Variants in NCAM1 observed in about 807,000 individuals in gnomAD.
NCAM1 encodes antigen recognized by monoclonal antibody 5.1H11.
In NCAM1, 14 loss-of-function variants were observed where a neutral mutation model predicts 109.8. That is an observed-to-expected ratio of 0.13 (90% CI 0.08 to 0.20). The LOEUF is 0.20. Among genes scored for constraint, NCAM1 ranks in the 10% least tolerant of loss-of-function variants. The pLI is 1.00. For synonymous variants in NCAM1, 418 were observed against 442.9 expected (o/e 0.94, Z 0.70); for missense variants, 774 against 1,109.9 (o/e 0.70, Z 4.30).
At position 112,970,197 on chromosome 11, in the gene NCAM1, T is replaced by A. The variant is rs548376977; in HGVS notation, c.52+8533T>A. Among the ~76,000 whole-genome samples, 7 of 152,218 alleles carry A rather than the reference T, an allele frequency of 4.6e-5. No homozygotes were observed. In the East Asian group the frequency reaches 1.4e-3, roughly 29 times the overall value. ...CTGGAGATGACAGAGAAATTAAAAA[T>A]ATATATATATGTTTAAGAGGATAGT... On this transcript the variant is annotated intron_variant, in intron 1 of 19. Transcript: ENST00000316851.
At chr11:113,104,499 A>C (rs1940056682) in intron 1 of NCAM1, among the ~76,000 whole-genome samples, 1 of 152,128 alleles carries the variant, frequency 6.6e-6, no homozygotes, top group Admixed American at 6.5e-5. Flanking sequence ...CCTTAAAAAA[A>C]CACGCAGATC....
chr11:113,011,999 CCTTCCTTCCTTCCTTT>C (rs1952073920), intron 1 of NCAM1, among the ~76,000 whole-genome samples: 2 of 146,416 alleles, frequency 1.4e-5, no homozygotes, highest in Non-Finnish European at 1.5e-5. Context: ...TTCCTTCCTT[CCTTCCTTCCTTCCTTT>C]CTTTCCTCTT....
intron 1 of NCAM1, among the ~76,000 whole-genome samples, chr11:113,051,222 T>A (rs948224537): frequency 1.3e-5 from 2 of 152,240 alleles, no homozygotes; most frequent in Non-Finnish European, 2.9e-5. Context: ...TTTGATAAGT[T>A]ACAGGTTATT....
chr11:113,100,500 T>C (rs1205390192), intron 1 of NCAM1, among the ~76,000 whole-genome samples: 2 of 152,078 alleles, frequency 1.3e-5, no homozygotes, highest in African/African-American at 4.8e-5. Flanking sequence ...ACTTGAAGGA[T>C]GGTGAATGCA....
At chr11:113,214,293 G>A in intron 7 of NCAM1, 76 bp from the exon 8 acceptor site, 3 of 1,496,922 alleles carry the variant, frequency 2.0e-6, no homozygotes, top group East Asian at 2.3e-5. Flanking sequence ...ACCTTTGTTG[G>A]ATAGGTGCAT....
chr11:113,012,691 T>G (rs1952100593), intron 1 of NCAM1, among the ~76,000 whole-genome samples: 1 of 152,304 alleles, frequency 6.6e-6, no homozygotes, highest in South Asian at 2.1e-4. Context: ...CCTGGTGTTC[T>G]TCTTGTGTGC....
intron 1 of NCAM1, among the ~76,000 whole-genome samples, chr11:113,022,051 C>T (rs1952399997): frequency 6.6e-6 from 1 of 152,110 alleles, no homozygotes; most frequent in Non-Finnish European, 1.5e-5. Context: ...AACAGAAACT[C>T]CTAACAGTTG....
intron 2 of NCAM1, 120 bp downstream of exon 2, chr11:113,202,573 C>A: frequency 1.2e-6 from 1 of 853,982 alleles, no homozygotes; most frequent in Non-Finnish European, 1.8e-6. Flanking sequence ...CTTGGCATTG[C>A]TCTATTACAG....
At chr11:113,220,112 C>A (rs1357731127) in intron 8 of NCAM1, among the ~76,000 whole-genome samples, 3 of 152,120 alleles carry the variant, frequency 2.0e-5, no homozygotes, top group Non-Finnish European at 2.9e-5. Flanking sequence ...ATAAAAAGAA[C>A]AATGCAGCTA....
chr11:113,115,715 G>C (rs1940668846), intron 1 of NCAM1, among the ~76,000 whole-genome samples: 1 of 152,202 alleles, frequency 6.6e-6, no homozygotes, highest in African/African-American at 2.4e-5. Context: ...CTCTGTGGAT[G>C]CTCTGAAGGA....
intron 1 of NCAM1, among the ~76,000 whole-genome samples, chr11:112,969,784 G>A (rs1555066432): frequency 6.6e-6 from 1 of 152,126 alleles, no homozygotes. Flanking sequence ...GAGGCTTAGA[G>A]GAAAAACAAA....
At chr11:113,143,386 G>A (rs1306260081) in intron 1 of NCAM1, among the ~76,000 whole-genome samples, 1 of 152,138 alleles carries the variant, frequency 6.6e-6, no homozygotes, top group Non-Finnish European at 1.5e-5. Flanking sequence ...GATTATTCCG[G>A]TGGTTTTTTA....
intron 1 of NCAM1, among the ~76,000 whole-genome samples, chr11:112,984,947 C>G (rs1159324980): frequency 2.6e-5 from 3 of 117,410 alleles, no homozygotes; most frequent in African/African-American, 5.8e-5. Context: ...CTGCACTATC[C>G]TATTTTTTTT....
At chr11:112,981,874 G>A (rs1412647958) in intron 1 of NCAM1, among the ~76,000 whole-genome samples, 2 of 151,790 alleles carry the variant, frequency 1.3e-5, no homozygotes, top group Admixed American at 6.6e-5. Context: ...AAGGTTTTTT[G>A]CATTCAAATA....
At chr11:113,235,705 C>G (rs1555118161) in intron 14 of NCAM1, among the ~76,000 whole-genome samples, 1 of 152,230 alleles carries the variant, frequency 6.6e-6, no homozygotes, top group Non-Finnish European at 1.5e-5. Context: ...TTGGCCTTTT[C>G]TGCTCCTCTC....
chr11:113,002,972 T>G, intron 1 of NCAM1, among the ~76,000 whole-genome samples: 1 of 152,276 alleles, frequency 6.6e-6, no homozygotes, highest in East Asian at 1.9e-4. Context: ...TGATAGAATC[T>G]TATCAATTTC....
rs71060290 is a variant in NCAM1 at position 113,132,604 on chromosome 11, A to ATGTGTGTGTGTGTG, written c.53-69741_53-69728dup. On this transcript the variant is annotated intron_variant, in intron 1 of 19. Coordinates refer to ENST00000316851, the MANE Select transcript of NCAM1 (RefSeq NM_181351.5). ...TGGGATCAGGCATATATTAGGAAGC[A>ATGTGTGTGTGTGTG]TGTGTGTGTGTGTGTGTGTGTGTGT... is the stretch of plus-strand genomic sequence containing the variant. Among the ~76,000 whole-genome samples the ATGTGTGTGTGTGTG allele has an allele frequency of 1.3e-3, 172 of 130,394 alleles. 2 individuals carry two copies. The highest frequency in any genetic ancestry group is 5.0e-3 in the African/African-American group (162 of 32,130). The allele number at this position is 130,394 out of a possible 152,430, so 85.5% of individuals were successfully genotyped here. A position where few individuals can be genotyped will look rare whatever the true frequency, so the allele number is the denominator to read the frequency against.
intron 1 of NCAM1, among the ~76,000 whole-genome samples, chr11:113,189,462 A>AAAG (rs1555109437): frequency 2.0e-5 from 3 of 150,576 alleles, no homozygotes; most frequent in Non-Finnish European, 2.9e-5. Flanking sequence ...AAAAAAAAAA[A>AAAG]AAAAAGAAAA....
At chr11:113,025,778 CGAGAGAGAGAGAGAGAGAGA>C (rs199893109) in intron 1 of NCAM1, among the ~76,000 whole-genome samples, 37,242 of 119,106 alleles carry the variant, frequency 0.31, 5,670 homozygotes, top group South Asian at 0.55. Flanking sequence ...CACAGGGAGC[CGAGAGAGAGAGAGAGAGAGA>C]GAGAGAGAGA....
Sources: gnomAD v4.1 joint callset for allele counts (sites outside exome capture counted in the v4.1 genomes callset) on GRCh38, gnomAD v4.1.1 for gene constraint, MANE v1.5 for transcripts, NCBI Gene and HGNC (gene_info 2026-07-23, HGNC 2026-07-21) for gene names.